The following ANKRD29 variants were observed in gnomAD, a reference collection of about 807,000 sequenced individuals.
The protein encoded by ANKRD29 is ankyrin repeat domain 29.
Under a neutral mutation model 38.0 loss-of-function variants are expected in ANKRD29, and 32 were observed. That is an observed-to-expected ratio of 0.84 (90% CI 0.64 to 1.13). ANKRD29 has a LOEUF of 1.13. ANKRD29 is among the 50% of genes most tolerant of loss of function. The probability of loss-of-function intolerance (pLI) is 0.00; values close to 1 mark genes in which losing one functional copy is unlikely to be tolerated. For missense variants in ANKRD29, 357 were observed against 377.9 expected, an observed-to-expected ratio of 0.94 and a Z score of 0.46; for synonymous variants, 135 against 152.4, an observed-to-expected ratio of 0.89 and a Z score of 0.84.
At chr18:23,623,650 T>G (rs1019855908) in intron 6 of ANKRD29, among the ~76,000 whole-genome samples, 3 of 149,592 alleles carry the variant, frequency 2.0e-5, no homozygotes, top group African/African-American at 7.3e-5. Flanking sequence ...TTTCATATGT[T>G]TTTTTTTTTT....
rs371912409 is a variant in ANKRD29, at chr18:23,652,673, T to C, written c.22-3480A>G. Among the ~76,000 whole-genome samples the C allele has an allele frequency of 7.2e-4, 109 of 152,320 alleles. 3 individuals are homozygous for C. In the South Asian group the frequency reaches 0.022, roughly 31 times the overall value. ...AGGAGACAGTGCACGTGAAAATACATCACAGAAACTGTAAAGCACTTTACC... is the reference window on the plus strand; with the variant it reads ...AGGAGACAGTGCACGTGAAAATACACCACAGAAACTGTAAAGCACTTTACC... On this transcript the variant is annotated intron_variant, in intron 1 of 9. Coordinates refer to ENST00000592179, the MANE Select transcript of ANKRD29 (RefSeq NM_173505.4).
At position 23,631,754 on chromosome 18, in the gene ANKRD29, G is replaced by A. The variant is rs149159146; in HGVS notation, c.430-1803C>T. Among the ~76,000 whole-genome samples the A allele has an allele frequency of 1.8e-3, 281 of 152,234 alleles. 2 individuals are homozygous for A. Among genetic ancestry groups the A allele is most frequent in the African/African-American group, 6.4e-3 (267 of 41,550 alleles). ...CCTTTTCCAGTGCTCTTTAGTTTTC[G>A]TCTTAACTGAGTATCTATGCCTTCT... On this transcript the variant is annotated intron_variant, in intron 5 of 9. Coordinates refer to ENST00000592179, the MANE Select transcript of ANKRD29 (RefSeq NM_173505.4).
intron 5 of ANKRD29, among the ~76,000 whole-genome samples, chr18:23,633,821 G>A (rs973612793): frequency 3.3e-5 from 5 of 151,968 alleles, no homozygotes; most frequent in African/African-American, 4.8e-5. Context: ...CACCCACCTC[G>A]GCCTCCCAAA....
intron 6 of ANKRD29, among the ~76,000 whole-genome samples, chr18:23,622,331 A>C (rs1245265745): frequency 2.0e-5 from 3 of 151,726 alleles, no homozygotes; most frequent in Non-Finnish European, 4.4e-5. Context: ...GCAGGAGGGG[A>C]GTGTGGGTCC....
intron 1 of ANKRD29, among the ~76,000 whole-genome samples, chr18:23,662,291 T>C (rs2060373358): frequency 6.6e-6 from 1 of 152,124 alleles, no homozygotes; most frequent in African/African-American, 2.4e-5. Context: ...TGGCCACCCC[T>C]CCGGGGAGGA....
chr18:23,617,817 G>C lies in ANKRD29; in HGVS notation c.638C>G (p.Thr213Arg). Residue 213 changes from threonine (T) to arginine (R), a missense_variant, in exon 8 of 10, where the codon ACA becomes AGA. Thr to Arg is a moderately conservative substitution (Grantham distance 71). Transcript: ENST00000592179. ...DRDAARNDGT[T>R]ALLKAANKGY... Reference sequence around the variant, plus strand: ...TTTGTTGGCTGCTTTCAATAATGCTGTTGTGCCATCCTTAACAGAAAGAGG... The same window carrying C: ...TTTGTTGGCTGCTTTCAATAATGCTCTTGTGCCATCCTTAACAGAAAGAGG... 6.2e-7 allele frequency: 1 copy of C among 1,613,634 alleles called. No individual in the cohort carries two copies. The highest frequency in any genetic ancestry group is 1.7e-5 in the Admixed American group (1 of 60,010).
intron 9 of ANKRD29, 36 bp from the exon 10 acceptor site, chr18:23,601,345 A>G: frequency 6.3e-7 from 1 of 1,592,248 alleles, no homozygotes; most frequent in Admixed American, 1.7e-5. Flanking sequence ...GTGAATCCCC[A>G]TAGCTGGTGT....
intron 4 of ANKRD29, 48 bp from the exon 5 acceptor site, chr18:23,634,197 A>G (rs1157928921): frequency 1.4e-6 from 2 of 1,464,316 alleles, no homozygotes; most frequent in Non-Finnish European, 1.9e-6. Context: ...GCAGGCACAT[A>G]ATTCACCAGC....
At position 23,649,262 on chromosome 18, in the gene ANKRD29, G is replaced by C. The variant is rs542534598; in HGVS notation, c.22-69C>G. On this transcript the variant is annotated intron_variant, in intron 1 of 9. Coordinates refer to ENST00000592179, the MANE Select transcript of ANKRD29 (RefSeq NM_173505.4). ...TAACATGACTGCTGCTATGCACATA[G>C]ATAATAACATTCAGAAAGAAGAACA... 3.6e-6 allele frequency: 4 copies of C among 1,115,258 alleles called. 1 individual carries two copies. In the South Asian group the frequency reaches 5.5e-5, roughly 15 times the overall value. The allele number at this position is 1,115,258 out of a possible 1,614,324, so 69.1% of individuals were successfully genotyped here.
intron 1 of ANKRD29, among the ~76,000 whole-genome samples, chr18:23,656,266 A>G (rs2060282589): frequency 6.6e-6 from 1 of 152,062 alleles, no homozygotes; most frequent in Non-Finnish European, 1.5e-5. Context: ...CAAAGGAGTC[A>G]TGTAGCTCAG....
At chr18:23,649,407 TG>T (rs1335467951) in intron 1 of ANKRD29, 7 of 703,532 alleles carry the variant, frequency 9.9e-6, no homozygotes, top group Non-Finnish European at 2.6e-6. Flanking sequence ...AGAGCAGTGT[TG>T]TTGATAATCC....
At chr18:23,614,689 C>T (rs997685415) in intron 8 of ANKRD29, among the ~76,000 whole-genome samples, 12 of 150,222 alleles carry the variant, frequency 8.0e-5, no homozygotes, top group African/African-American at 2.2e-4. Flanking sequence ...AAAAAAAGCT[C>T]ATGGCAGATG....
intron 1 of ANKRD29, among the ~76,000 whole-genome samples, chr18:23,660,062 G>A (rs1230748016): frequency 6.6e-6 from 1 of 152,186 alleles, no homozygotes; most frequent in Non-Finnish European, 1.5e-5. Context: ...AGTGAGCTGA[G>A]ATCATGCCAT....
At chr18:23,656,372 A>G (rs1202947383) in intron 1 of ANKRD29, among the ~76,000 whole-genome samples, 1 of 152,174 alleles carries the variant, frequency 6.6e-6, no homozygotes, top group East Asian at 1.9e-4. Context: ...GACTCGCCTA[A>G]CAAACCAGGG....
At chr18:23,632,937 G>A (rs888548396) in intron 5 of ANKRD29, among the ~76,000 whole-genome samples, 8 of 152,112 alleles carry the variant, frequency 5.3e-5, no homozygotes, top group Admixed American at 1.3e-4. Flanking sequence ...AAATGGAAAA[G>A]TTCACACCTA....
intron 5 of ANKRD29, 73 bp from the exon 6 acceptor site, chr18:23,630,024 G>T: frequency 7.6e-7 from 1 of 1,319,020 alleles, no homozygotes; most frequent in Non-Finnish European, 1.1e-6. Context: ...TAGGGCGGGT[G>T]CAGTGGCTCA....
chr18:23,636,229 G>C (rs1193674061), intron 4 of ANKRD29, among the ~76,000 whole-genome samples: 1 of 151,462 alleles, frequency 6.6e-6, no homozygotes, highest in Non-Finnish European at 1.5e-5. Context: ...CTTGAACTTT[G>C]GGCTCAAGCG....
chr18:23,661,428 G>A (rs1307581197), intron 1 of ANKRD29, among the ~76,000 whole-genome samples: 2 of 152,170 alleles, frequency 1.3e-5, no homozygotes, highest in South Asian at 2.1e-4. Flanking sequence ...AAAGTCGGCC[G>A]GGCGTAGTGG....
chr18:23,637,904 A>G (rs571687556), intron 4 of ANKRD29, among the ~76,000 whole-genome samples: 1 of 152,076 alleles, frequency 6.6e-6, no homozygotes, highest in Non-Finnish European at 1.5e-5. Context: ...ACAAAATATT[A>G]TCATGTAAAA....
Sources: gnomAD v4.1 joint callset for allele counts (sites outside exome capture counted in the v4.1 genomes callset) on GRCh38, gnomAD v4.1.1 for gene constraint, MANE v1.5 for transcripts, NCBI Gene and HGNC (gene_info 2026-07-23, HGNC 2026-07-21) for gene names.